RIMS1: variants seen among roughly 807,000 people sequenced by gnomAD.
The protein encoded by RIMS1 is regulating synaptic membrane exocytosis 1.
A neutral mutation model predicts 214.1 loss-of-function variants in RIMS1; 83 were observed. The observed-to-expected ratio is 0.39, with a 90% CI of 0.32 to 0.47. The LOEUF is 0.47. Ranked by LOEUF, RIMS1 falls within the 20% of genes least tolerant of loss-of-function variation. The pLI, the probability that RIMS1 is intolerant of heterozygous loss-of-function variation, is 0.99. For synonymous variants in RIMS1, 793 were observed against 786.8 expected, an observed-to-expected ratio of 1.01 and a Z score of -0.13; for missense variants, 2,050 against 2,161.8, an observed-to-expected ratio of 0.95 and a Z score of 1.03.
chr6:72,052,834 T>C (rs1346309772), intron 2 of RIMS1, among the ~76,000 whole-genome samples: 1 of 152,192 alleles, frequency 6.6e-6, no homozygotes, highest in African/African-American at 2.4e-5. Context: ...ACACTTTATT[T>C]GATCTGTTTT....
intron 4 of RIMS1, among the ~76,000 whole-genome samples, chr6:72,107,997 G>GTTTGT (rs781715593): frequency 5.3e-5 from 8 of 151,894 alleles, no homozygotes; most frequent in Admixed American, 6.6e-5. Flanking sequence ...TTTTTTGTTT[G>GTTTGT]TTTGTTTTGT....
At chr6:72,340,403 T>A (rs1221174655) in intron 29 of RIMS1, among the ~76,000 whole-genome samples, 1 of 151,876 alleles carries the variant, frequency 6.6e-6, no homozygotes. Flanking sequence ...TCTTCTAGGG[T>A]TTTTATGGTT....
At chr6:72,388,422 G>A (rs1261927131) in intron 29 of RIMS1, among the ~76,000 whole-genome samples, 1 of 152,170 alleles carries the variant, frequency 6.6e-6, no homozygotes, top group Non-Finnish European at 1.5e-5. Flanking sequence ...CAGATGATAT[G>A]GCATTTCCTG....
chr6:72,360,659 A>AT (rs2097783389), intron 29 of RIMS1, among the ~76,000 whole-genome samples: 1 of 150,162 alleles, frequency 6.7e-6, no homozygotes, highest in African/African-American at 2.4e-5. Context: ...GTGTATATGC[A>AT]TACTATATTT....
At chr6:71,920,209 TAAA>T (rs1257696819) in intron 1 of RIMS1, among the ~76,000 whole-genome samples, 2 of 152,208 alleles carry the variant, frequency 1.3e-5, no homozygotes, top group Non-Finnish European at 2.9e-5. Context: ...ATTCTTGGTT[TAAA>T]AATCAGTTGC....
chr6:71,905,124 C>T (rs1774870331), intron 1 of RIMS1, among the ~76,000 whole-genome samples: 1 of 151,968 alleles, frequency 6.6e-6, no homozygotes. Context: ...AAAAACAGTC[C>T]TTACCTCTTC....
intron 28 of RIMS1, among the ~76,000 whole-genome samples, chr6:72,323,928 C>G (rs1425107019): frequency 5.3e-5 from 8 of 151,498 alleles, no homozygotes; most frequent in African/African-American, 1.9e-4. Flanking sequence ...AGAAAGAACT[C>G]TGAAAGGAAA....
chr6:71,960,902 A>T (rs989024778), intron 1 of RIMS1, among the ~76,000 whole-genome samples: 44 of 150,082 alleles, frequency 2.9e-4, no homozygotes, highest in East Asian at 9.7e-4. Flanking sequence ...TGAAAAAAAA[A>T]TTTTTTTTTT....
At chr6:72,387,644 C>T (rs889679705) in intron 29 of RIMS1, among the ~76,000 whole-genome samples, 2 of 152,174 alleles carry the variant, frequency 1.3e-5, no homozygotes, top group African/African-American at 4.8e-5. Flanking sequence ...GTCAAGTGGA[C>T]AAGACAGAGT....
At chr6:71,963,917 G>C (rs566492960) in intron 1 of RIMS1, among the ~76,000 whole-genome samples, 4 of 152,160 alleles carry the variant, frequency 2.6e-5, no homozygotes, top group East Asian at 3.9e-4. Context: ...AATATGTGGT[G>C]AGTTGCTATT....
intron 6 of RIMS1, among the ~76,000 whole-genome samples, chr6:72,233,500 A>C (rs2154084321): frequency 6.8e-6 from 1 of 147,358 alleles, no homozygotes; most frequent in Non-Finnish European, 1.5e-5. Flanking sequence ...GGGCAGATTA[A>C]CCCTGTTTTT....
intron 1 of RIMS1, among the ~76,000 whole-genome samples, chr6:71,953,237 C>T (rs1352265814): frequency 2.0e-5 from 3 of 152,092 alleles, no homozygotes; most frequent in East Asian, 3.9e-4. Context: ...CATCCACCCG[C>T]GTTAACTTCC....
chr6:71,897,209 C>T lies in RIMS1; in HGVS notation c.164+10022C>T, dbSNP rs541749088. On this transcript the variant is annotated intron_variant, in intron 1 of 33. Transcript: ENST00000521978. ...TATTTTCCAATCCCATTGTCATTAC[C>T]TTAATGTAGGCTCTCTTCAGTACTT... Among the ~76,000 whole-genome samples, 4 of 152,212 alleles carry T rather than the reference C, an allele frequency of 2.6e-5. No individual in the cohort carries two copies. The East Asian group carries it at 7.7e-4, about 29-fold the overall frequency.
At position 72,274,002 on chromosome 6, in the gene RIMS1, C is replaced by G. The variant is rs148947804; in HGVS notation, c.3399-347C>G. On this transcript the variant is annotated intron_variant, in intron 22 of 33. Transcript: ENST00000521978. The stretch of plus-strand genomic sequence containing the variant: ...AACATAAGCCATATTCCTAAAGATG[C>G]ATCTTTAAGAACTTAAAGTTACATT... 3.0e-4 allele frequency among the ~76,000 whole-genome samples: 46 copies of G among 152,216 alleles called. No individual in the cohort carries two copies. The East Asian group carries it at 8.9e-3, about 29-fold the overall frequency.
intron 4 of RIMS1, among the ~76,000 whole-genome samples, chr6:72,165,972 C>T (rs145998451): frequency 1.2e-4 from 18 of 152,254 alleles, no homozygotes; most frequent in Admixed American, 5.2e-4. Context: ...TTTTGCTCTT[C>T]GTATTAATAT....
chr6:72,277,352 C>T (rs1436586812), intron 23 of RIMS1, among the ~76,000 whole-genome samples: 1 of 152,052 alleles, frequency 6.6e-6, no homozygotes, highest in Non-Finnish European at 1.5e-5. Flanking sequence ...GAGGCCGAGG[C>T]GGGCGGATCA....
intron 2 of RIMS1, among the ~76,000 whole-genome samples, chr6:72,057,499 T>A (rs1301909948): frequency 1.8e-5 from 1 of 55,960 alleles, no homozygotes; most frequent in African/African-American, 6.0e-5. Flanking sequence ...CTTCTTTTTC[T>A]TTTTTTTTTT....
intron 2 of RIMS1, among the ~76,000 whole-genome samples, chr6:72,023,801 A>G (rs1324341005): frequency 1.3e-5 from 2 of 152,142 alleles, no homozygotes; most frequent in African/African-American, 4.8e-5. Context: ...CTTCATAGAG[A>G]TATTTACTTC....
chr6:72,331,800 T>C (rs1441977092), intron 28 of RIMS1, among the ~76,000 whole-genome samples: 1 of 151,838 alleles, frequency 6.6e-6, no homozygotes, highest in Non-Finnish European at 1.5e-5. Context: ...TTTGAGTTAA[T>C]GAAAAACTGA....
Sources: allele counts gnomAD v4.1 joint callset (sites outside exome capture counted in the v4.1 genomes callset), GRCh38; gene constraint gnomAD v4.1.1; transcripts MANE v1.5; gene names NCBI Gene and HGNC (gene_info 2026-07-23, HGNC 2026-07-21).